DLGAP2: variants seen among roughly 807,000 people sequenced by gnomAD.
DLGAP2 encodes the protein disks large-associated protein 2.
A neutral mutation model predicts 100.3 loss-of-function variants in DLGAP2; 26 were observed. That is an observed-to-expected ratio of 0.26 (90% CI 0.19 to 0.36). The LOEUF is 0.36. Ranked by LOEUF, DLGAP2 falls within the 10% of genes least tolerant of loss-of-function variation. The pLI is 1.00. For synonymous variants in DLGAP2, 886 were observed against 630.1 expected (o/e 1.41, Z -6.08); for missense variants, 1,858 against 1,453.2 (o/e 1.28, Z -4.53).
chr8:1,083,228 G>C (rs1803868251), intron 2 of DLGAP2, among the ~76,000 whole-genome samples: 1 of 152,208 alleles, frequency 6.6e-6, no homozygotes, highest in Admixed American at 6.5e-5. Context: ...ACAAATGTCA[G>C]CTCTCCAGCA....
At chr8:1,033,351 G>A (rs766312987) in intron 2 of DLGAP2, among the ~76,000 whole-genome samples, 3 of 152,190 alleles carry the variant, frequency 2.0e-5, no homozygotes, top group Non-Finnish European at 4.4e-5. Flanking sequence ...GGAGAAAAAT[G>A]GGATGAATGA....
chr8:1,683,333 C>A (rs535575776), intron 12 of DLGAP2, among the ~76,000 whole-genome samples: 1 of 151,486 alleles, frequency 6.6e-6, no homozygotes, highest in Non-Finnish European at 1.5e-5. Context: ...CACGCAGAGG[C>A]AGAGAACTGG....
intron 1 of DLGAP2, among the ~76,000 whole-genome samples, chr8:758,127 A>G (rs1268287773): frequency 6.6e-6 from 1 of 152,258 alleles, no homozygotes; most frequent in Non-Finnish European, 1.5e-5. Context: ...ACTGAAGCCT[A>G]AAAAGCAGGA....
chr8:1,058,062 G>A (rs542382631), intron 2 of DLGAP2, among the ~76,000 whole-genome samples: 42 of 152,320 alleles, frequency 2.8e-4, no homozygotes, highest in African/African-American at 9.6e-4. Context: ...GAGAAGAAAA[G>A]ATATTACCCT....
chr8:1,090,229 CAG>C (rs199881124), intron 2 of DLGAP2, among the ~76,000 whole-genome samples: 3,777 of 129,508 alleles, frequency 0.029, 437 homozygotes, highest in East Asian at 0.067. Flanking sequence ...CCTGGCCAGA[CAG>C]GGGTGGAAAC....
At chr8:1,114,244 AG>A (rs1188693097) in intron 2 of DLGAP2, among the ~76,000 whole-genome samples, 1 of 151,188 alleles carries the variant, frequency 6.6e-6, no homozygotes, top group African/African-American at 2.4e-5. Flanking sequence ...CCTCCTTTTC[AG>A]TTTTTTTTAA....
intron 6 of DLGAP2, among the ~76,000 whole-genome samples, chr8:1,600,625 T>C (rs1051086667): frequency 2.0e-5 from 3 of 152,228 alleles, no homozygotes; most frequent in African/African-American, 7.2e-5. Flanking sequence ...AATAAGGTGA[T>C]GCTTCAATTT....
intron 3 of DLGAP2, among the ~76,000 whole-genome samples, chr8:1,471,505 C>G (rs868160682): frequency 6.6e-6 from 1 of 151,864 alleles, no homozygotes; most frequent in African/African-American, 2.4e-5. Context: ...CATGGCCAAC[C>G]CAGCCTCTGC....
chr8:1,424,907 G>C (rs1280442756), intron 3 of DLGAP2, among the ~76,000 whole-genome samples: 1 of 152,248 alleles, frequency 6.6e-6, no homozygotes, highest in Non-Finnish European at 1.5e-5. Context: ...TAATGGGGCA[G>C]AGCTTCAGTT....
chr8:1,366,723 A>T (rs1802116801), intron 3 of DLGAP2, among the ~76,000 whole-genome samples: 1 of 152,152 alleles, frequency 6.6e-6, no homozygotes, highest in South Asian at 2.1e-4. Context: ...CCTGCACCCC[A>T]CAAGGATGGA....
intron 2 of DLGAP2, among the ~76,000 whole-genome samples, chr8:1,224,637 C>A (rs117661904): frequency 1.3e-5 from 2 of 152,186 alleles, no homozygotes; most frequent in East Asian, 3.9e-4. Context: ...AAAGAGATGA[C>A]TGAAATTACT....
At chr8:1,585,993 G>T (rs1205001495) in intron 6 of DLGAP2, among the ~76,000 whole-genome samples, 1 of 152,186 alleles carries the variant, frequency 6.6e-6, no homozygotes, top group African/African-American at 2.4e-5. Context: ...CCCACTGCAC[G>T]CATTACTGTA....
At chr8:1,558,027 C>G (rs1366159620) in intron 5 of DLGAP2, among the ~76,000 whole-genome samples, 2 of 152,204 alleles carry the variant, frequency 1.3e-5, no homozygotes, top group Non-Finnish European at 2.9e-5. Flanking sequence ...GAGGGCATGC[C>G]CTGGAGAGAC....
intron 8 of DLGAP2, among the ~76,000 whole-genome samples, chr8:1,658,118 C>T (rs1020236010): frequency 6.6e-6 from 1 of 152,096 alleles, no homozygotes; most frequent in South Asian, 2.1e-4. Flanking sequence ...CGCAAAAAGA[C>T]TGGCCCTCCC....
At chr8:1,134,507 G>GA (rs1796362926) in intron 2 of DLGAP2, among the ~76,000 whole-genome samples, 2 of 152,012 alleles carry the variant, frequency 1.3e-5, no homozygotes, top group South Asian at 4.2e-4. Context: ...TATTTTTTGA[G>GA]TTTTAGTAAT....
intron 3 of DLGAP2, among the ~76,000 whole-genome samples, chr8:1,290,956 TC>T (rs1214245118): frequency 2.0e-5 from 3 of 151,988 alleles, no homozygotes; most frequent in Non-Finnish European, 2.9e-5. Flanking sequence ...TACAACCACC[TC>T]CCCCATCCAG....
intron 8 of DLGAP2, 62 bp from the exon 9 acceptor site, chr8:1,668,267 A>C: frequency 7.1e-7 from 1 of 1,407,740 alleles, no homozygotes; most frequent in Non-Finnish European, 9.4e-7. Context: ...GTGGGGAAAC[A>C]GTAGACCACA....
chr8:1,198,044 G>C (rs567613555), intron 2 of DLGAP2, among the ~76,000 whole-genome samples: 1 of 152,268 alleles, frequency 6.6e-6, no homozygotes, highest in East Asian at 1.9e-4. Flanking sequence ...AGCCATGGCC[G>C]TGGATGAGGA....
At chr8:1,479,640 G>C (rs1201386561) in intron 3 of DLGAP2, among the ~76,000 whole-genome samples, 1 of 152,054 alleles carries the variant, frequency 6.6e-6, no homozygotes, top group East Asian at 1.9e-4. Flanking sequence ...TCATTTCGGT[G>C]AGTCATTCAT....
Sources: gnomAD v4.1 joint callset for allele counts (sites outside exome capture counted in the v4.1 genomes callset) on GRCh38, gnomAD v4.1.1 for gene constraint, MANE v1.5 for transcripts, NCBI Gene and HGNC (gene_info 2026-07-23, HGNC 2026-07-21) for gene names.